PARD3B: variants seen among roughly 807,000 people sequenced by gnomAD.
PARD3B encodes the protein par-3 family cell polarity regulator beta, also known as partitioning defective 3 homolog B.
PARD3B carries 103 observed loss-of-function variants against 130.2 expected under a neutral mutation model. The observed-to-expected ratio is 0.79, with a 90% CI of 0.67 to 0.93. The LOEUF is 0.93. PARD3B is among the 40% of genes least tolerant of loss of function. The probability of loss-of-function intolerance (pLI) is 0.00; values close to 1 mark genes in which losing one functional copy is unlikely to be tolerated. For synonymous variants in PARD3B, 583 were observed against 553.2 expected, an observed-to-expected ratio of 1.05 and a Z score of -0.76; for missense variants, 1,609 against 1,499.2, an observed-to-expected ratio of 1.07 and a Z score of -1.21.
intron 2 of PARD3B, among the ~76,000 whole-genome samples, chr2:204,789,963 C>T (rs10200870): frequency 0.039 from 5,951 of 151,826 alleles, 159 homozygotes; most frequent in African/African-American, 0.073. Context: ...CTCCACCTCC[C>T]GGGTTCACGC....
chr2:205,574,751 A>G (rs185277297), intron 22 of PARD3B, among the ~76,000 whole-genome samples: 2 of 151,760 alleles, frequency 1.3e-5, no homozygotes, highest in East Asian at 3.9e-4. Context: ...GCTAAGATGC[A>G]TGTGAGAATA....
Position 205,253,554 on chromosome 2 carries a change from C to A in PARD3B, c.2185+7732C>A, listed in dbSNP as rs951236299. On this transcript the variant is annotated intron_variant, in intron 16 of 22. Coordinates refer to ENST00000406610, the MANE Select transcript of PARD3B (RefSeq NM_001302769.2). This position sits in a 1 kb window ranked among gnomAD's most constrained non-coding sequence, Gnocchi z 4.4. Reference sequence around the variant, plus strand: ...CTGTCATGGCCCCACAGCCTGGAGCCTCCCCTGCCTCCTCTGCCTCTTCAG... The same window carrying A: ...CTGTCATGGCCCCACAGCCTGGAGCATCCCCTGCCTCCTCTGCCTCTTCAG... The A allele has an allele frequency of 1.2e-5, 6 of 495,484 alleles. No individual in the cohort carries two copies. The highest frequency in any genetic ancestry group is 1.2e-4 in the African/African-American group (6 of 51,698). The allele number at this position is 495,484 out of a possible 1,614,324, so 30.7% of individuals were successfully genotyped here. A position where few individuals can be genotyped will look rare whatever the true frequency, so the allele number is the denominator to read the frequency against.
Position 205,381,124 on chromosome 2 carries a change from ATT to A in PARD3B, c.2631-19888_2631-19887del, listed in dbSNP as rs1491421347. ...TATATAAAGAATATATATTATATAT[ATT>A]ATATATAAAGAATATATAATATATA... On this transcript the variant is annotated intron_variant, in intron 18 of 22. Transcript: ENST00000406610. 9.5e-5 allele frequency among the ~76,000 whole-genome samples: 9 copies of A among 95,032 alleles called. No homozygotes were observed. In the East Asian group the frequency reaches 2.3e-3, roughly 24 times the overall value. The allele number at this position is 95,032 out of a possible 152,430, so 62.3% of individuals were successfully genotyped here.
At chr2:205,290,072 TA>T (rs2041548200) in intron 16 of PARD3B, among the ~76,000 whole-genome samples, 1 of 152,044 alleles carries the variant, frequency 6.6e-6, no homozygotes, top group Non-Finnish European at 1.5e-5. Flanking sequence ...CTTTAAAGAG[TA>T]AATTATGAGT....
intron 18 of PARD3B, among the ~76,000 whole-genome samples, chr2:205,307,925 C>A (rs1486858013): frequency 6.6e-6 from 1 of 152,136 alleles, no homozygotes; most frequent in Non-Finnish European, 1.5e-5. Context: ...ATTCCCTTAT[C>A]TACAACTTTT....
rs535153072 is a variant in PARD3B, at chr2:204,771,128, T to G, written c.222+84846T>G. ...GTGCATGCATGAGGAAACCAGGCCT[T>G]TGTTAGTATCCTTTCTGAAATGGCT... On this transcript the variant is annotated intron_variant, in intron 2 of 22. Transcript: ENST00000406610. Among the ~76,000 whole-genome samples, 223 of 152,228 alleles carry G rather than the reference T, an allele frequency of 1.5e-3. 1 individual carries two copies. Among genetic ancestry groups the G allele is most frequent in the Non-Finnish European group, 2.8e-3 (188 of 67,994 alleles).
At chr2:205,484,065 A>G (rs1453259018) in intron 20 of PARD3B, among the ~76,000 whole-genome samples, 3 of 152,182 alleles carry the variant, frequency 2.0e-5, no homozygotes, top group Non-Finnish European at 4.4e-5. Context: ...GGGGGGAAAA[A>G]TACCACGGAC....
intron 2 of PARD3B, among the ~76,000 whole-genome samples, chr2:204,932,059 T>C (rs1688074670): frequency 6.6e-6 from 1 of 152,084 alleles, no homozygotes; most frequent in Non-Finnish European, 1.5e-5. Flanking sequence ...TTGCATCCTT[T>C]TAGGTCAAAA....
chr2:205,338,270 G>C (rs2043393396), intron 18 of PARD3B, among the ~76,000 whole-genome samples: 1 of 150,914 alleles, frequency 6.6e-6, no homozygotes, highest in Non-Finnish European at 1.5e-5. Context: ...TACAGTTTAT[G>C]TCTTGGTCTT....
In PARD3B at chr2:205,241,182, T is replaced by C. The variant is rs536186099; in HGVS notation, c.2141-4596T>C. On this transcript the variant is annotated intron_variant, in intron 15 of 22. Transcript: ENST00000406610. The surrounding 1 kb of genome is among the most constrained non-coding windows in gnomAD (Gnocchi z 4.2). Reference sequence around the variant, plus strand: ...CTGCTGTTTCTCAAACAAGTCTTCCTGAATCAGAGAACACACCAGGAAATT... The same window carrying C: ...CTGCTGTTTCTCAAACAAGTCTTCCCGAATCAGAGAACACACCAGGAAATT... Among the ~76,000 whole-genome samples the C allele has an allele frequency of 1.2e-4, 19 of 152,302 alleles. No homozygotes were observed. In the South Asian group the frequency reaches 2.7e-3, roughly 22 times the overall value.
intron 3 of PARD3B, among the ~76,000 whole-genome samples, chr2:205,001,233 C>G (rs1194102814): frequency 2.6e-5 from 4 of 152,132 alleles, no homozygotes; most frequent in African/African-American, 9.7e-5. Flanking sequence ...AGGTGATCTG[C>G]TCACCTCGGC....
chr2:205,333,375 A>C (rs1198306215), intron 18 of PARD3B, among the ~76,000 whole-genome samples: 1 of 152,150 alleles, frequency 6.6e-6, no homozygotes, highest in Non-Finnish European at 1.5e-5. Flanking sequence ...AAATTATAAT[A>C]TATTAGATAT....
At chr2:205,112,767 T>C (rs1703731193) in intron 5 of PARD3B, among the ~76,000 whole-genome samples, 1 of 152,184 alleles carries the variant, frequency 6.6e-6, no homozygotes, top group Non-Finnish European at 1.5e-5. Flanking sequence ...TTAATGTTTC[T>C]AGCTGATCCT....
chr2:204,868,809 TAGTTA>T (rs2045522703), intron 2 of PARD3B, among the ~76,000 whole-genome samples: 1 of 152,206 alleles, frequency 6.6e-6, no homozygotes, highest in Non-Finnish European at 1.5e-5. Flanking sequence ...TGAGTGGGAC[TAGTTA>T]AGTTGAGACG....
chr2:205,449,459 G>A (rs71427786), intron 20 of PARD3B, among the ~76,000 whole-genome samples: 14,897 of 152,022 alleles, frequency 0.098, 1,021 homozygotes, highest in African/African-American at 0.2. Flanking sequence ...TCGAACTCCT[G>A]ACCTCAGGTG....
chr2:205,526,163 A>G (rs943585466), intron 21 of PARD3B, among the ~76,000 whole-genome samples: 4 of 152,192 alleles, frequency 2.6e-5, no homozygotes, highest in African/African-American at 9.7e-5. Context: ...TCTGTTTCAC[A>G]GTTTGTCCTA....
In PARD3B at chr2:205,146,247, A is replaced by G. The variant is rs182178032; in HGVS notation, c.1435-12475A>G. ...GTTACATGCAGGTAGCCTGGCATCA[A>G]AGAATTTGTGATAGCAAAGATATTG... On this transcript the variant is annotated intron_variant, in intron 10 of 22. Coordinates refer to ENST00000406610, the MANE Select transcript of PARD3B (RefSeq NM_001302769.2). The surrounding 1 kb of genome is among the most constrained non-coding windows in gnomAD (Gnocchi z 4.3). Among the ~76,000 whole-genome samples, 2 of 152,316 alleles carry G rather than the reference A, an allele frequency of 1.3e-5. No individual in the cohort carries two copies. Among genetic ancestry groups the G allele is most frequent in the African/African-American group, 4.8e-5 (2 of 41,578 alleles).
chr2:204,781,025 G>T (rs1264422750), intron 2 of PARD3B, among the ~76,000 whole-genome samples: 2 of 152,136 alleles, frequency 1.3e-5, no homozygotes, highest in African/African-American at 4.8e-5. Flanking sequence ...CAGAGAACAG[G>T]TAAAGTCCCC....
chr2:204,694,230 C>T (rs1052955341), intron 2 of PARD3B, among the ~76,000 whole-genome samples: 50 of 152,030 alleles, frequency 3.3e-4, no homozygotes, highest in African/African-American at 1.2e-3. Flanking sequence ...TCCCAGTCAA[C>T]ATTTGTAAAT....
Sources: gnomAD v4.1 joint callset for allele counts (sites outside exome capture counted in the v4.1 genomes callset) on GRCh38, gnomAD v4.1.1 for gene constraint, Gnocchi (gnomAD v3.1) non-coding constraint, MANE v1.5 for transcripts, NCBI Gene and HGNC (gene_info 2026-07-23, HGNC 2026-07-21) for gene names.